PREX1: variants seen among roughly 807,000 people sequenced by gnomAD.
PREX1 encodes phosphatidylinositol-3,4,5-trisphosphate dependent Rac exchange factor 1, also known as phosphatidylinositol 3,4,5-trisphosphate-dependent Rac exchanger 1 protein.
In PREX1, 41 loss-of-function variants were observed where a neutral mutation model predicts 198.3. That is an observed-to-expected ratio of 0.21 (90% CI 0.16 to 0.27). The LOEUF (loss-of-function observed/expected upper bound fraction) is 0.27, where lower values mean the gene tolerates loss of function less well. Among genes scored for constraint, PREX1 ranks in the 10% least tolerant of loss-of-function variants. The pLI, the probability that PREX1 is intolerant of heterozygous loss-of-function variation, is 1.00. For synonymous variants in PREX1, 843 were observed against 887.2 expected, an observed-to-expected ratio of 0.95 and a Z score of 0.89; for missense variants, 1,620 against 2,200.7, an observed-to-expected ratio of 0.74 and a Z score of 5.28.
At chr20:48,764,688 G>A (rs1021549996) in intron 1 of PREX1, among the ~76,000 whole-genome samples, 8 of 151,140 alleles carry the variant, frequency 5.3e-5, no homozygotes, top group Admixed American at 4.6e-4. Flanking sequence ...AGGCTGAGGC[G>A]TGAGAATTGC....
Position 48,627,597 on chromosome 20 carries a change from G to A in PREX1, c.4888C>T (p.Leu1630=). ...TCCTTGACTCGCAGGTTTTTGGCCA[G>A]AATCTCCACCCTTGGGCCCTGGAAG... ...MRKQGPRVEI[L]AKNLRVKDQM... Residue 1630 remains leucine (L), a synonymous_variant, in exon 39 of 40, where the codon CTG becomes TTG. Transcript: ENST00000371941. 6.2e-7 allele frequency: 1 copy of A among 1,612,938 alleles called. No individual in the cohort carries two copies. The highest frequency in any genetic ancestry group is 1.7e-5 in the Admixed American group (1 of 59,922).
chr20:48,822,109 AT>A (rs2090488446), intron 1 of PREX1: 1 of 152,224 alleles, frequency 6.6e-6, no homozygotes, highest in Admixed American at 6.5e-5. Flanking sequence ...ATTAAAAAAA[AT>A]GTAACCCATC....
intron 10 of PREX1, among the ~76,000 whole-genome samples, chr20:48,683,475 T>C (rs2089765368): frequency 6.6e-6 from 1 of 152,222 alleles, no homozygotes; most frequent in Non-Finnish European, 1.5e-5. Context: ...ACCTTCTGGA[T>C]TTAGCAGGCA....
intron 10 of PREX1, among the ~76,000 whole-genome samples, chr20:48,682,675 C>T (rs1235327218): frequency 2.0e-5 from 3 of 152,230 alleles, no homozygotes; most frequent in African/African-American, 7.2e-5. Flanking sequence ...TCCCACGTGA[C>T]TGCCCGGTGG....
chr20:48,847,381 A>AAAAAAAAAAAAAAAAAAAAAAAAAT, the PREX1 span, among the ~76,000 whole-genome samples: 1 of 150,138 alleles, frequency 6.7e-6, no homozygotes, highest in Non-Finnish European at 1.5e-5. Flanking sequence ...AAAAAAAAAA[A>AAAAAAAAAAAAAAAAAAAAAAAAAT]AAACAAACCC....
intron 6 of PREX1, among the ~76,000 whole-genome samples, chr20:48,707,461 C>G (rs1038347696): frequency 6.6e-6 from 1 of 152,110 alleles, no homozygotes; most frequent in Non-Finnish European, 1.5e-5. Context: ...ATTTAGGATT[C>G]CCCAGCACGG....
intron 5 of PREX1, among the ~76,000 whole-genome samples, chr20:48,717,499 A>C (rs1343994396): frequency 6.7e-5 from 2 of 29,950 alleles, no homozygotes; most frequent in Non-Finnish European, 1.1e-4. Flanking sequence ...CACCACTTTA[A>C]AAAAAAAAAA....
chr20:48,726,761 G>A (rs148876489), intron 4 of PREX1, among the ~76,000 whole-genome samples: 2 of 152,312 alleles, frequency 1.3e-5, no homozygotes, highest in Non-Finnish European at 2.9e-5. Context: ...GTCTAGAGAA[G>A]CTTTCACATA....
chr20:48,659,197 GAGGGGAGGGAAGAAAGAA>G (rs2089569701), intron 16 of PREX1, among the ~76,000 whole-genome samples: 1 of 117,918 alleles, frequency 8.5e-6, no homozygotes, highest in Non-Finnish European at 1.8e-5. Context: ...GAATGGAGGG[GAGGGGAGGGAAGAAAGAA>G]AGGGGAGGAG....
At chr20:48,682,882 T>A (rs2089760979) in intron 10 of PREX1, among the ~76,000 whole-genome samples, 1 of 152,188 alleles carries the variant, frequency 6.6e-6, no homozygotes, top group Non-Finnish European at 1.5e-5. Context: ...AAACCAGCTG[T>A]CCCGCCTCCA....
At chr20:48,833,443 C>CT in the PREX1 span, among the ~76,000 whole-genome samples, 4,078 of 122,946 alleles carry the variant, frequency 0.033, 206 homozygotes, top group African/African-American at 0.11. Flanking sequence ...TCTTTTCTTT[C>CT]TTTTTTTTTT....
At chr20:48,715,128 C>G (rs1304184080) in intron 5 of PREX1, among the ~76,000 whole-genome samples, 2 of 152,216 alleles carry the variant, frequency 1.3e-5, no homozygotes, top group Non-Finnish European at 2.9e-5. Context: ...GATACATGAA[C>G]TTCCAGGGTT....
chr20:48,650,390 G>C (rs1237368902), intron 23 of PREX1, among the ~76,000 whole-genome samples, 184 bp from the exon 24 acceptor site: 1 of 152,240 alleles, frequency 6.6e-6, no homozygotes, highest in Non-Finnish European at 1.5e-5. Flanking sequence ...TGCAGGGAAG[G>C]CCTGGAGGAA....
chr20:48,717,923 C>T (rs1159706078), intron 5 of PREX1, among the ~76,000 whole-genome samples: 2 of 152,222 alleles, frequency 1.3e-5, no homozygotes, highest in Non-Finnish European at 2.9e-5. Context: ...TGAGACCAAG[C>T]TAAATGTTAT....
intron 2 of PREX1, among the ~76,000 whole-genome samples, chr20:48,746,758 A>T (rs1259749381): frequency 1.2e-5 from 1 of 86,540 alleles, no homozygotes; most frequent in Non-Finnish European, 3.2e-5. Flanking sequence ...CTACCTCATT[A>T]AAAAAAAAGG....
intron 1 of PREX1, among the ~76,000 whole-genome samples, chr20:48,769,385 G>A (rs1335812542): frequency 1.3e-5 from 2 of 152,134 alleles, no homozygotes; most frequent in East Asian, 3.8e-4. Context: ...CAGGCACAGG[G>A]ACAGCCACAA....
upstream of PREX1, among the ~76,000 whole-genome samples, chr20:48,829,554 G>A (rs866637477): frequency 6.6e-6 from 1 of 152,238 alleles, no homozygotes; most frequent in African/African-American, 2.4e-5. Flanking sequence ...TGGGCAGGGA[G>A]TAAAGGACAT....
intron 1 of PREX1, among the ~76,000 whole-genome samples, chr20:48,755,165 C>T (rs760675567): frequency 3.9e-5 from 6 of 152,146 alleles, no homozygotes; most frequent in Non-Finnish European, 5.9e-5. Flanking sequence ...CGGAAAAGGA[C>T]TGTTGATGTA....
intron 39 of PREX1, among the ~76,000 whole-genome samples, chr20:48,626,933 A>G (rs563228585): frequency 6.6e-6 from 1 of 152,342 alleles, no homozygotes; most frequent in South Asian, 2.1e-4. Flanking sequence ...AAGGGCCTAC[A>G]TGTGGCACCA....
Sources: gnomAD v4.1 joint callset for allele counts (sites outside exome capture counted in the v4.1 genomes callset) on GRCh38, gnomAD v4.1.1 for gene constraint, MANE v1.5 for transcripts, NCBI Gene and HGNC (gene_info 2026-07-23, HGNC 2026-07-21) for gene names.